SOX5: variants seen among roughly 807,000 people sequenced by gnomAD.
SOX5 encodes transcription factor SOX-5.
A neutral mutation model predicts 92.0 loss-of-function variants in SOX5; 9 were observed. That is an observed-to-expected ratio of 0.10 (90% CI 0.06 to 0.17). The LOEUF is 0.17. Ranked by LOEUF, SOX5 falls within the 10% of genes least tolerant of loss-of-function variation. SOX5 has a pLI of 1.00. For missense variants in SOX5, 642 were observed against 944.5 expected (o/e 0.68, Z 4.20); for synonymous variants, 344 against 336.3 (o/e 1.02, Z -0.25).
intron 4 of SOX5, among the ~76,000 whole-genome samples, chr12:24,200,604 T>C (rs1290651626): frequency 6.6e-6 from 1 of 152,166 alleles, no homozygotes; most frequent in East Asian, 1.9e-4. Flanking sequence ...GTCAAAGCTA[T>C]ATAGAAACTC....
chr12:24,300,783 C>A (rs1345549876), intron 2 of SOX5, among the ~76,000 whole-genome samples: 1 of 152,178 alleles, frequency 6.6e-6, no homozygotes, highest in Non-Finnish European at 1.5e-5. Flanking sequence ...CTTGTGAGAA[C>A]CCAGTGTTAG....
At chr12:24,386,025 T>A (rs927012939) in intron 1 of SOX5, among the ~76,000 whole-genome samples, 3 of 151,364 alleles carry the variant, frequency 2.0e-5, no homozygotes, top group African/African-American at 7.3e-5. Context: ...TACAGTAACC[T>A]CTCACTTAAC....
intron 1 of SOX5, among the ~76,000 whole-genome samples, chr12:24,503,766 T>C (rs141780012): frequency 0.015 from 2,329 of 151,556 alleles, 23 homozygotes; most frequent in Middle Eastern, 0.034. Context: ...TAAGTGGGAG[T>C]TGAACAATGA....
chr12:23,737,029 A>T (rs1241440097), intron 5 of SOX5, among the ~76,000 whole-genome samples: 1 of 149,704 alleles, frequency 6.7e-6, no homozygotes, highest in Non-Finnish European at 1.5e-5. Context: ...GTGGTAAAAG[A>T]GAGAGTAGAA....
At chr12:23,713,150 C>T (rs2092203634) in intron 6 of SOX5, among the ~76,000 whole-genome samples, 1 of 152,112 alleles carries the variant, frequency 6.6e-6, no homozygotes, top group African/African-American at 2.4e-5. Context: ...GGGGAGAAAA[C>T]AGTGTAGGGA....
At chr12:24,502,527 C>T (rs1948317814) in intron 1 of SOX5, among the ~76,000 whole-genome samples, 1 of 152,038 alleles carries the variant, frequency 6.6e-6, no homozygotes, top group Admixed American at 6.5e-5. Context: ...GAAGAAGGAA[C>T]AGTTCTTCCT....
intron 1 of SOX5, among the ~76,000 whole-genome samples, chr12:24,487,779 A>G (rs1222645703): frequency 2.0e-5 from 3 of 152,302 alleles, no homozygotes; most frequent in Admixed American, 6.5e-5. Flanking sequence ...TGCCTGTTTT[A>G]CTAAAGACCC....
At chr12:24,324,933 A>G (rs1333549714) in intron 2 of SOX5, among the ~76,000 whole-genome samples, 2 of 152,126 alleles carry the variant, frequency 1.3e-5, no homozygotes, top group Non-Finnish European at 2.9e-5. Context: ...CTCATATATT[A>G]TAATGTAAAT....
At chr12:24,373,057 G>T (rs1334856477) in intron 1 of SOX5, among the ~76,000 whole-genome samples, 3 of 151,766 alleles carry the variant, frequency 2.0e-5, no homozygotes, top group African/African-American at 7.3e-5. Context: ...AGTGGAGGCT[G>T]CAGGGAGCCG....
At chr12:23,747,077 T>C (rs1827309245) in intron 4 of SOX5, among the ~76,000 whole-genome samples, 1 of 151,928 alleles carries the variant, frequency 6.6e-6, no homozygotes, top group Non-Finnish European at 1.5e-5. Flanking sequence ...CAGTCTCGGG[T>C]ATGTCTTTAT....
At chr12:24,408,135 G>A (rs1963368119) in intron 1 of SOX5, among the ~76,000 whole-genome samples, 1 of 152,068 alleles carries the variant, frequency 6.6e-6, no homozygotes, top group African/African-American at 2.4e-5. Flanking sequence ...GCGTGTCCAG[G>A]AACAGCAAAA....
chr12:23,767,051 A>G (rs371131436), intron 3 of SOX5, among the ~76,000 whole-genome samples: 3 of 152,020 alleles, frequency 2.0e-5, no homozygotes, highest in African/African-American at 7.2e-5. Context: ...CTCTATCACA[A>G]TCAAAACTAG....
At chr12:23,702,155 A>C (rs2090739721) in intron 6 of SOX5, among the ~76,000 whole-genome samples, 2 of 152,056 alleles carry the variant, frequency 1.3e-5, no homozygotes, top group South Asian at 4.1e-4. Flanking sequence ...ACCATTTTTT[A>C]TTAAATACCT....
intron 6 of SOX5, among the ~76,000 whole-genome samples, chr12:23,714,392 C>T (rs1306963824): frequency 1.3e-5 from 2 of 152,048 alleles, no homozygotes; most frequent in African/African-American, 4.8e-5. Flanking sequence ...GAGGCCGAGG[C>T]AGGTGGATAA....
At chr12:23,553,451 T>C (rs1055869982) in intron 11 of SOX5, among the ~76,000 whole-genome samples, 2 of 152,068 alleles carry the variant, frequency 1.3e-5, no homozygotes, top group Non-Finnish European at 2.9e-5. Context: ...CCAAGAACTT[T>C]ACACAGGAAT....
At chr12:24,367,869 C>G (rs972672986) in intron 2 of SOX5, 1 of 152,024 alleles carries the variant, frequency 6.6e-6, no homozygotes, top group Non-Finnish European at 1.5e-5. Context: ...AATTCTATTC[C>G]CCTACAATGA....
chr12:23,933,724 T>C (rs1180648856), intron 1 of SOX5, among the ~76,000 whole-genome samples: 2 of 151,560 alleles, frequency 1.3e-5, no homozygotes, highest in Non-Finnish European at 3.0e-5. Context: ...ACCAGGATGC[T>C]CTTCAGGTAC....
At chr12:23,794,715 A>G (rs1250736089) in intron 3 of SOX5, among the ~76,000 whole-genome samples, 2 of 152,166 alleles carry the variant, frequency 1.3e-5, no homozygotes, top group African/African-American at 4.8e-5. Flanking sequence ...TCCTTTTCAT[A>G]AAAGTATAGC....
At chr12:24,400,658 C>A (rs1301954465) in intron 1 of SOX5, among the ~76,000 whole-genome samples, 1 of 152,162 alleles carries the variant, frequency 6.6e-6, no homozygotes, top group African/African-American at 2.4e-5. Flanking sequence ...TCTAAATAGA[C>A]AAAATGCTTC....
Sources: allele counts gnomAD v4.1 joint callset (sites outside exome capture counted in the v4.1 genomes callset), GRCh38; gene constraint gnomAD v4.1.1; transcripts MANE v1.5; gene names NCBI Gene and HGNC (gene_info 2026-07-23, HGNC 2026-07-21).